DNAH12: variants seen among roughly 807,000 people sequenced by gnomAD.
DNAH12 encodes axonemal beta dynein heavy chain 12.
DNAH12 carries 285 observed loss-of-function variants against 371.5 expected under a neutral mutation model. The observed-to-expected ratio is 0.77, with a 90% CI of 0.70 to 0.85. The LOEUF (loss-of-function observed/expected upper bound fraction) is 0.85. Ranked by LOEUF, DNAH12 falls within the 40% of genes least tolerant of loss-of-function variation. DNAH12 has a pLI of 0.00. For synonymous variants in DNAH12, 1,200 were observed against 1,213.0 expected (o/e 0.99, Z 0.22); for missense variants, 3,611 against 3,689.4 (o/e 0.98, Z 0.55).
intron 58 of DNAH12, 51 bp from the exon 59 acceptor site, chr3:57,357,399 A>T (rs1209343213): frequency 2.0e-5 from 3 of 152,148 alleles, no homozygotes; most frequent in Non-Finnish European, 4.4e-5. Context: ...TATTTTAGTT[A>T]TGTACTTTTC....
intron 4 of DNAH12, among the ~76,000 whole-genome samples, chr3:57,520,810 T>C (rs1013902118): frequency 3.3e-5 from 5 of 152,138 alleles, no homozygotes; most frequent in Non-Finnish European, 4.4e-5. Context: ...ATATTCTAGA[T>C]ACAAGTCCTT....
At chr3:57,420,390 T>C (rs1180763174) in intron 36 of DNAH12, among the ~76,000 whole-genome samples, 3 of 152,230 alleles carry the variant, frequency 2.0e-5, no homozygotes, top group African/African-American at 7.2e-5. Flanking sequence ...ATGTTTGAAT[T>C]GTGGTAACTT....
intron 9 of DNAH12, among the ~76,000 whole-genome samples, chr3:57,503,285 A>C (rs2067623938): frequency 6.6e-6 from 1 of 152,218 alleles, no homozygotes; most frequent in African/African-American, 2.4e-5. Flanking sequence ...AACAAAACAA[A>C]GAAAACCTTA....
intron 12 of DNAH12, 100 bp from the exon 13 acceptor site, chr3:57,483,611 T>A: frequency 7.9e-7 from 1 of 1,269,934 alleles, no homozygotes; most frequent in Admixed American, 3.6e-5. Context: ...AGAACTATGA[T>A]ATCCTAAAAA....
At chr3:57,334,093 A>G (rs1052843754) in intron 62 of DNAH12, among the ~76,000 whole-genome samples, 1 of 152,250 alleles carries the variant, frequency 6.6e-6, no homozygotes, top group Admixed American at 6.5e-5. Flanking sequence ...AGACAATACA[A>G]AAGAAGAAAT....
At position 57,453,386 on chromosome 3, in the gene DNAH12, A is replaced by T; in HGVS notation, c.3474T>A (p.Tyr1158Ter). 1 of 1,543,334 alleles carries T rather than the reference A, an allele frequency of 6.5e-7. No homozygotes were observed. Among genetic ancestry groups the T allele is most frequent in the Non-Finnish European group, 8.7e-7 (1 of 1,144,670 alleles). The change falls in exon 24 of 74, where the codon TAT becomes TAA. Residue 1158 changes from tyrosine to a stop codon, truncating the protein, a stop_gained. Coordinates refer to ENST00000495027, the MANE Select transcript of DNAH12 (RefSeq NM_001366028.2). LOFTEE classifies it high-confidence loss of function. The part of the protein sequence containing the change: ...SGGTEGLKKY[Y>*]KELQNQLNEI... Reference sequence around the variant, plus strand: ...CATTCAGTTGGTTCTGAAGTTCCTTATAATACTTCTTTAATCCCTACAAAA... The same window carrying T: ...CATTCAGTTGGTTCTGAAGTTCCTTTTAATACTTCTTTAATCCCTACAAAA...
At chr3:57,377,649 A>AG (rs1281137213) in intron 52 of DNAH12, among the ~76,000 whole-genome samples, 8 of 151,844 alleles carry the variant, frequency 5.3e-5, no homozygotes, top group African/African-American at 1.9e-4. Context: ...AGTCAGACTG[A>AG]GGCTTACATC....
chr3:57,298,491 A>G (rs2061279277), intron 70 of DNAH12, among the ~76,000 whole-genome samples: 1 of 152,204 alleles, frequency 6.6e-6, no homozygotes, highest in Non-Finnish European at 1.5e-5. Context: ...CCCTGGTCAA[A>G]TGTTACCTGA....
chr3:57,528,950 A>T (rs2068744134), intron 2 of DNAH12, among the ~76,000 whole-genome samples: 1 of 151,238 alleles, frequency 6.6e-6, no homozygotes, highest in African/African-American at 2.4e-5. Context: ...ACAGGTTCCC[A>T]CCACCATACC....
chr3:57,445,719 T>C (rs2065469204), intron 27 of DNAH12, among the ~76,000 whole-genome samples: 1 of 152,092 alleles, frequency 6.6e-6, no homozygotes, highest in Non-Finnish European at 1.5e-5. Flanking sequence ...CTGGGTACAG[T>C]GGCTCATGCC....
At position 57,428,666 on chromosome 3, in the gene DNAH12, TG is replaced by T; in HGVS notation, c.5219del (p.Pro1740HisfsTer4). 6.5e-7 allele frequency: 1 copy of T among 1,543,952 alleles called. No homozygotes were observed. On this transcript the variant is annotated frameshift_variant, in exon 34 of 74. Transcript: ENST00000495027. LOFTEE classifies it high-confidence loss of function. ...LLRGLFAWLIPPSLNQRKKKC... is the reference protein window; with the variant it reads ...LLRGLFAWLIXPSLNQRKKKC... Reference sequence around the variant, plus strand: ...TTTTCTTACGCTGGTTTAAAGAGGGTGGTATTAACCAGGCAAAAAGTCCTCT... The same window carrying T: ...TTTTCTTACGCTGGTTTAAAGAGGGTGTATTAACCAGGCAAAAAGTCCTCT...
rs368159487 is a variant in DNAH12, at chr3:57,509,108, A to G, written c.542+32T>C. 1.0e-4 allele frequency: 161 copies of G among 1,562,034 alleles called. 2 individuals carry two copies. The highest frequency in any genetic ancestry group is 5.3e-4 in the Admixed American group (29 of 54,944). On this transcript the variant is annotated intron_variant, in intron 6 of 73. Transcript: ENST00000495027. ...ATTTTTTATCTATATCAAAAATTGG[A>G]TGAAGTACTGTTTTTAAAATAATTT...
chr3:57,506,842 T>C lies in DNAH12; in HGVS notation c.897+801A>G, dbSNP rs147052782. ...AAACATGCACAAGGAGCTTCTAAAG[T>C]ACGAATAATGGTTTCTTATAGAGAA... On this transcript the variant is annotated intron_variant, in intron 8 of 73. Transcript: ENST00000495027. 9.2e-4 allele frequency among the ~76,000 whole-genome samples: 140 copies of C among 152,204 alleles called. 1 individual carries two copies. Among genetic ancestry groups the C allele is most frequent in the African/African-American group, 3.3e-3 (138 of 41,542 alleles).
intron 25 of DNAH12, among the ~76,000 whole-genome samples, chr3:57,451,828 C>T (rs746638347): frequency 2.0e-5 from 3 of 151,990 alleles, no homozygotes; most frequent in Non-Finnish European, 4.4e-5. Context: ...TGGGCGTGCT[C>T]CTAACAAACA....
chr3:57,443,447 C>T (rs9838982), intron 29 of DNAH12, among the ~76,000 whole-genome samples: 5,239 of 152,080 alleles, frequency 0.034, 297 homozygotes, highest in African/African-American at 0.12. Flanking sequence ...TTTTCTATAA[C>T]GGCTATAAGC....
intron 17 of DNAH12, among the ~76,000 whole-genome samples, chr3:57,464,176 G>C (rs1340396646): frequency 6.6e-6 from 1 of 152,046 alleles, no homozygotes; most frequent in Non-Finnish European, 1.5e-5. Flanking sequence ...AGCAACGCCA[G>C]TGCCTGAAGG....
At chr3:57,353,849 G>T (rs1273252918) in intron 59 of DNAH12, among the ~76,000 whole-genome samples, 2 of 152,064 alleles carry the variant, frequency 1.3e-5, no homozygotes, top group African/African-American at 4.8e-5. Flanking sequence ...CAGTCAGAAT[G>T]GCTATAATTA....
At position 57,452,887 on chromosome 3, in the gene DNAH12, G is replaced by C. The variant is rs981533821; in HGVS notation, c.3742C>G (p.Arg1248Gly). The C allele has an allele frequency of 1.9e-6, 3 of 1,550,892 alleles. No homozygotes were observed. The highest frequency in any genetic ancestry group is 2.6e-6 in the Non-Finnish European group (3 of 1,146,832). Residue 1248 changes from arginine to glycine, a missense_variant, in exon 25 of 74, where the codon CGA becomes GGA. This residue lies in a region of DNAH12 where 2,266 missense variants were observed against 2,236.9 expected (regional missense o/e 1.01). Transcript: ENST00000495027. The part of the protein sequence containing the change: ...YAYEYLGNSP[R>G]LVITPLTDRC... ...TCAGTTAGAGGCGTAATGACAAGTC[G>C]AGGTGAGTTACCAAGATATTCATAA...
At chr3:57,460,631 TGTCCA>T (rs2066028598) in intron 19 of DNAH12, among the ~76,000 whole-genome samples, 2 of 152,338 alleles carry the variant, frequency 1.3e-5, no homozygotes, top group South Asian at 4.1e-4. Flanking sequence ...CTTGGGATAA[TGTCCA>T]GCCTTATGTC....
Sources: gnomAD v4.1 joint callset for allele counts (sites outside exome capture counted in the v4.1 genomes callset) on GRCh38, gnomAD v4.1.1 for gene constraint, gnomAD v4.1.1 regional missense constraint, MANE v1.5 for transcripts, NCBI Gene and HGNC (gene_info 2026-07-23, HGNC 2026-07-21) for gene names.